The following IHO1 variants were observed in gnomAD, a reference collection of about 807,000 sequenced individuals.
IHO1 encodes interactor of HORMAD1 protein 1.
IHO1 carries 13 observed loss-of-function variants against 31.0 expected under a neutral mutation model. The observed-to-expected ratio is 0.42, with a 90% confidence interval of 0.27 to 0.67. The LOEUF is 0.67. Among genes scored for constraint, IHO1 ranks in the 30% least tolerant of loss-of-function variants. The pLI is 0.24. For missense variants in IHO1, 599 were observed against 687.5 expected (o/e 0.87, Z 1.44); for synonymous variants, 221 against 248.4 (o/e 0.89, Z 1.04).
intron 6 of IHO1, among the ~76,000 whole-genome samples, chr3:49,247,592 C>T (rs575617294): frequency 6.6e-6 from 1 of 151,048 alleles, no homozygotes; most frequent in African/African-American, 2.4e-5. Context: ...AGTTTGAGAC[C>T]AGCCTGGGAA....
intron 2 of IHO1, among the ~76,000 whole-genome samples, chr3:49,225,420 G>A (rs947096243): frequency 2.6e-5 from 4 of 151,856 alleles, no homozygotes; most frequent in East Asian, 1.9e-4. Flanking sequence ...CAGAGATTGC[G>A]CCATCGCATC....
intron 3 of IHO1, among the ~76,000 whole-genome samples, chr3:49,239,995 C>G (rs2046610383): frequency 6.6e-6 from 1 of 152,148 alleles, no homozygotes; most frequent in Non-Finnish European, 1.5e-5. Flanking sequence ...TTACATGCAT[C>G]AAATAGGGAC....
chr3:49,230,132 C>T (rs573926526), intron 2 of IHO1, among the ~76,000 whole-genome samples: 5 of 152,280 alleles, frequency 3.3e-5, no homozygotes, highest in Non-Finnish European at 7.4e-5. Context: ...AGAACAATGG[C>T]TGCTAAGTAA....
intron 6 of IHO1, among the ~76,000 whole-genome samples, chr3:49,255,108 G>A (rs2107744962): frequency 6.6e-6 from 1 of 152,186 alleles, no homozygotes; most frequent in Admixed American, 6.6e-5. Flanking sequence ...TTCAGAGGGT[G>A]CATTCTACTA....
chr3:49,220,194 A>G (rs1213321208), intron 2 of IHO1, among the ~76,000 whole-genome samples: 1 of 152,234 alleles, frequency 6.6e-6, no homozygotes, highest in African/African-American at 2.4e-5. Flanking sequence ...TATTATAGCT[A>G]CATTTGAGCC....
chr3:49,195,484 A>G (rs1443843359), upstream of IHO1, among the ~76,000 whole-genome samples: 3 of 151,100 alleles, frequency 2.0e-5, no homozygotes, highest in African/African-American at 4.9e-5. Flanking sequence ...TTGGGAGGCC[A>G]AGGCGGGCAG....
intron 2 of IHO1, among the ~76,000 whole-genome samples, chr3:49,225,257 A>G (rs1224725091): frequency 6.6e-6 from 1 of 152,160 alleles, no homozygotes; most frequent in Non-Finnish European, 1.5e-5. Context: ...TCAGGTCAGG[A>G]GTTCAAGACC....
At chr3:49,234,974 G>A (rs140796186) in intron 2 of IHO1, among the ~76,000 whole-genome samples, 1,595 of 151,764 alleles carry the variant, frequency 0.011, 19 homozygotes, top group Non-Finnish European at 0.017. Flanking sequence ...AGCCTCCCAA[G>A]TAGCTGGGAT....
chr3:49,193,842 G>A (rs1352503550), upstream of IHO1, among the ~76,000 whole-genome samples: 3 of 150,190 alleles, frequency 2.0e-5, no homozygotes, highest in South Asian at 4.2e-4. Context: ...CATGCCTGTA[G>A]TCCCAGCTAC....
At chr3:49,212,219 G>A (rs1347760568) in intron 2 of IHO1, among the ~76,000 whole-genome samples, 1 of 150,200 alleles carries the variant, frequency 6.7e-6, no homozygotes, top group African/African-American at 2.5e-5. Flanking sequence ...TAGAAAATGG[G>A]TTCCTGGTCA....
intron 2 of IHO1, among the ~76,000 whole-genome samples, chr3:49,233,723 A>T (rs2046510950): frequency 6.6e-6 from 1 of 152,196 alleles, no homozygotes; most frequent in African/African-American, 2.4e-5. Context: ...CTGGCCATAA[A>T]CAGGCCCCAA....
chr3:49,218,704 A>G (rs1277178528), intron 2 of IHO1, among the ~76,000 whole-genome samples: 2 of 152,124 alleles, frequency 1.3e-5, no homozygotes, highest in Non-Finnish European at 2.9e-5. Flanking sequence ...TTCAGACAAT[A>G]GTGGCATAGA....
At chr3:49,241,591 GGAGAAA>G (rs1442116006) in intron 4 of IHO1, among the ~76,000 whole-genome samples, 3 of 150,792 alleles carry the variant, frequency 2.0e-5, no homozygotes, top group Non-Finnish European at 4.4e-5. Flanking sequence ...AGAGAAAGAG[GGAGAAA>G]GAGAAAGAGG....
chr3:49,197,381 A>C (rs2046005576), upstream of IHO1, among the ~76,000 whole-genome samples: 2 of 151,226 alleles, frequency 1.3e-5, no homozygotes, highest in Admixed American at 1.3e-4. Context: ...CTCTAACCTC[A>C]AACTCCTGGA....
intron 2 of IHO1, among the ~76,000 whole-genome samples, chr3:49,218,106 G>C (rs985082740): frequency 1.3e-5 from 2 of 152,168 alleles, no homozygotes; most frequent in Non-Finnish European, 2.9e-5. Flanking sequence ...CCGCCCTGCT[G>C]TCTTGGCTGC....
At chr3:49,226,146 C>A (rs1432961305) in intron 2 of IHO1, among the ~76,000 whole-genome samples, 1 of 152,184 alleles carries the variant, frequency 6.6e-6, no homozygotes, top group Non-Finnish European at 1.5e-5. Context: ...CTCTCTGAAC[C>A]ACCAAGGTTG....
intron 2 of IHO1, among the ~76,000 whole-genome samples, chr3:49,230,928 C>T (rs1459618527): frequency 7.2e-5 from 11 of 152,146 alleles, no homozygotes; most frequent in Non-Finnish European, 1.5e-4. Context: ...CAACAATTAA[C>T]AAAGGAGGCT....
upstream of IHO1, among the ~76,000 whole-genome samples, chr3:49,194,355 G>A (rs772005788): frequency 5.5e-4 from 80 of 145,370 alleles, no homozygotes; most frequent in Non-Finnish European, 1.1e-3. Flanking sequence ...CCAGGCTGGA[G>A]TGCAGTGGTG....
intron 2 of IHO1, among the ~76,000 whole-genome samples, chr3:49,235,845 G>C (rs911505205): frequency 6.7e-6 from 1 of 149,838 alleles, no homozygotes; most frequent in Non-Finnish European, 1.5e-5. Flanking sequence ...CAGGAGAATG[G>C]CTTGAACCCG....
Sources: gnomAD v4.1 joint callset for allele counts (sites outside exome capture counted in the v4.1 genomes callset) on GRCh38, gnomAD v4.1.1 for gene constraint, MANE v1.5 for transcripts, NCBI Gene and HGNC (gene_info 2026-07-23, HGNC 2026-07-21) for gene names.